PLEC: variants seen among roughly 807,000 people sequenced by gnomAD.
PLEC encodes the protein plectin.
PLEC carries 216 observed loss-of-function variants against 392.8 expected under a neutral mutation model. That is an observed-to-expected ratio of 0.55 (90% CI 0.49 to 0.62). PLEC has a LOEUF of 0.62. Ranked by LOEUF, PLEC falls within the 20% of genes least tolerant of loss-of-function variation. PLEC has a pLI of 0.00. For synonymous variants in PLEC, 3,621 were observed against 2,980.6 expected (o/e 1.21, Z -7.00); for missense variants, 6,863 against 6,563.4 (o/e 1.05, Z -1.58).
At chr8:143,945,715 C>G (rs940275665) in intron 1 of PLEC, among the ~76,000 whole-genome samples, 3 of 152,190 alleles carry the variant, frequency 2.0e-5, no homozygotes, top group African/African-American at 7.2e-5. Flanking sequence ...GTTACCTCAG[C>G]CCACAGCAAG....
chr8:143,935,321 A>G lies in PLEC; in HGVS notation c.603-8T>C. 6.3e-7 allele frequency: 1 copy of G among 1,594,982 alleles called. No homozygotes were observed. The highest frequency in any genetic ancestry group is 8.5e-7 in the Non-Finnish European group (1 of 1,175,010). Reference sequence around the variant, plus strand: ...ATGTCGATGAGCAGGGGCCTGGGACAAGCAGGTGGCTGGTCAGGTGGGTGG... The same window carrying G: ...ATGTCGATGAGCAGGGGCCTGGGACGAGCAGGTGGCTGGTCAGGTGGGTGG... On this transcript the variant is annotated splice_polypyrimidine_tract_variant and splice_region_variant and intron_variant, in intron 6 of 31. Transcript: ENST00000345136.
chr8:143,971,880 C>T (rs1833447743), intron 1 of PLEC, among the ~76,000 whole-genome samples: 1 of 152,214 alleles, frequency 6.6e-6, no homozygotes, highest in Admixed American at 6.5e-5. Flanking sequence ...CAATCCTGGC[C>T]TCCAGAGGAG....
In PLEC at chr8:143,920,413, G is replaced by T. The variant is rs77006429; in HGVS notation, c.9408C>A (p.Ala3136=). ...PREQGLRLLD[A]QLSTGGIVDP... ...CCACGATGCCGCCCGTGGACAGCTG[G>T]GCGTCCAACAGGCGCAGGCCCTGCT... The change falls in exon 32 of 32, where the codon GCC becomes GCA. Residue 3136 remains alanine, a synonymous_variant. Coordinates refer to ENST00000345136, the MANE Select transcript of PLEC (RefSeq NM_201384.3). 1 of 1,594,438 alleles carries T rather than the reference G, an allele frequency of 6.3e-7. No individual in the cohort carries two copies. The highest frequency in any genetic ancestry group is 1.1e-5 in the South Asian group (1 of 90,236).
At chr8:143,963,499 A>C (rs1554741391) in intron 1 of PLEC, among the ~76,000 whole-genome samples, 1 of 152,192 alleles carries the variant, frequency 6.6e-6, no homozygotes. Context: ...GGGAATGGTG[A>C]TGTCTAGTCT....
upstream of PLEC, among the ~76,000 whole-genome samples, chr8:143,942,954 G>A (rs981941034): frequency 6.6e-6 from 1 of 152,180 alleles, no homozygotes; most frequent in Non-Finnish European, 1.5e-5. Flanking sequence ...CGTGGCCGAA[G>A]GGGGCAATTG....
Position 143,926,964 on chromosome 8 carries a change from G to A in PLEC, c.3945+13C>T, listed in dbSNP as rs782700651. 3.7e-5 allele frequency: 59 copies of A among 1,610,640 alleles called. No homozygotes were observed. In the Middle Eastern group the frequency reaches 9.9e-4, roughly 27 times the overall value. On this transcript the variant is annotated intron_variant, in intron 29 of 31. Coordinates refer to ENST00000345136, the MANE Select transcript of PLEC (RefSeq NM_201384.3). ...GCCAGCCCCTCACCCAGTTAGGTTC[G>A]GCCCCACCCTACCTCCTGGATGACA...
intron 1 of PLEC, among the ~76,000 whole-genome samples, chr8:143,966,901 A>C (rs1554742439): frequency 6.6e-6 from 1 of 152,200 alleles, no homozygotes; most frequent in Non-Finnish European, 1.5e-5. Context: ...CTCAGCCCCA[A>C]GCAAATTCCA....
chr8:143,932,158 T>C lies in PLEC; in HGVS notation c.2054A>G (p.Glu685Gly). The C allele has an allele frequency of 1.2e-6, 2 of 1,610,966 alleles. No homozygotes were observed. The highest frequency in any genetic ancestry group is 1.7e-6 in the Non-Finnish European group (2 of 1,179,662). The change falls in exon 17 of 32, where the codon GAG becomes GGG. Residue 685 changes from glutamate to glycine, a missense_variant. Physicochemically the swap from Glu to Gly is moderately conservative, Grantham distance 98. Coordinates refer to ENST00000345136, the MANE Select transcript of PLEC (RefSeq NM_201384.3). Reference protein sequence around the residue: ...LQNAGDRLLREDHPARPTVES... With the variant: ...LQNAGDRLLRGDHPARPTVES... Reference sequence around the variant, plus strand: ...CACCGTGGGCCGGGCCGGGTGGTCCTCCCGCAGCAGCCGGTCCCCAGCATT... The same window carrying C: ...CACCGTGGGCCGGGCCGGGTGGTCCCCCCGCAGCAGCCGGTCCCCAGCATT...
chr8:143,929,850 T>C, intron 22 of PLEC, 21 bp from the exon 23 acceptor site: 1 of 1,599,978 alleles, frequency 6.3e-7, no homozygotes, highest in Non-Finnish European at 8.5e-7. Flanking sequence ...CACGTGGGGC[T>C]GAGTGCCGGG....
rs576688705 is a variant in PLEC at position 143,923,689 on chromosome 8, G to A, written c.6240C>T (p.Arg2080=). The A allele has an allele frequency of 1.3e-4, 194 of 1,545,880 alleles. No homozygotes were observed. Among genetic ancestry groups the A allele is most frequent in the South Asian group, 1.1e-3 (93 of 85,542 alleles). Residue 2080 remains arginine, a synonymous_variant, in exon 31 of 32, where the codon CGC becomes CGT. Coordinates refer to ENST00000345136, the MANE Select transcript of PLEC (RefSeq NM_201384.3). The part of the protein sequence containing the change: ...QQEQSVLDQL[R]GEAEAARRAA... Reference sequence around the variant, plus strand: ...CCCGCCGGGCCGCCTCCGCCTCGCCGCGCAGCTGGTCCAGCACGCTCTGCT... The same window carrying A: ...CCCGCCGGGCCGCCTCCGCCTCGCCACGCAGCTGGTCCAGCACGCTCTGCT...
rs782070192 is a variant in PLEC, at chr8:143,930,508, T to C, written c.2333A>G (p.Lys778Arg). ...QDEKEQLNEY[K>R]GHLSGLAKRA... ...CTTGGCCAGGCCTGAGAGGTGGCCC[T>C]TGTACTCGTTCAGCTGTTCCTTCTC... The change falls in exon 20 of 32, where the codon AAG becomes AGG. Residue 778 changes from lysine to arginine, a missense_variant. Coordinates refer to ENST00000345136, the MANE Select transcript of PLEC (RefSeq NM_201384.3). 1.9e-6 allele frequency: 3 copies of C among 1,596,478 alleles called. No homozygotes were observed. The highest frequency in any genetic ancestry group is 2.7e-5 in the African/African-American group (2 of 74,498).
At position 143,925,064 on chromosome 8, in the gene PLEC, C is replaced by T. The variant is rs782367469; in HGVS notation, c.4865G>A (p.Arg1622Gln). The change falls in exon 31 of 32, where the codon CGG becomes CAG. Residue 1622 changes from arginine to glutamine, a missense_variant. Coordinates refer to ENST00000345136, the MANE Select transcript of PLEC (RefSeq NM_201384.3). The part of the protein sequence containing the change: ...RRAQQQAEAE[R>Q]AREEAERELE... ...CTCCCGCTCTGCCTCCTCGCGCGCC[C>T]GCTCGGCCTCGGCCTGCTGCTGTGC... The T allele has an allele frequency of 3.4e-5, 52 of 1,539,714 alleles. No homozygotes were observed. Among genetic ancestry groups the T allele is most frequent in the South Asian group, 3.3e-4 (28 of 84,744 alleles).
chr8:143,917,581 C>T lies in PLEC; in HGVS notation c.12240G>A (p.Leu4080=). 6.2e-7 allele frequency: 1 copy of T among 1,613,914 alleles called. No individual in the cohort carries two copies. The highest frequency in any genetic ancestry group is 8.5e-7 in the Non-Finnish European group (1 of 1,180,028). ...GLFDEEMNEI[L]TDPSDDTKGF... is the part of the protein sequence containing the mutation. ...CCTTGGTGTCGTCCGAGGGGTCGGT[C>T]AGGATCTCGTTCATCTCCTCATCGA... Residue 4080 remains leucine (L), a synonymous_variant, in exon 32 of 32, where the codon CTG becomes CTA. Coordinates refer to ENST00000345136, the MANE Select transcript of PLEC (RefSeq NM_201384.3).
At position 143,933,072 on chromosome 8, in the gene PLEC, G is replaced by A. The variant is rs565993927; in HGVS notation, c.1458C>T (p.Thr486=). 2.4e-5 allele frequency: 38 copies of A among 1,589,890 alleles called. No individual in the cohort carries two copies. Among genetic ancestry groups the A allele is most frequent in the Non-Finnish European group, 3.1e-5 (36 of 1,170,124 alleles). The change falls in exon 14 of 32, where the codon ACC becomes ACT. Residue 486 remains threonine, a synonymous_variant. Transcript: ENST00000345136. ...RLHERLVAIR[T]EYNLRLKAGV... ...CTGCCTTCAGCCGTAGGTTGTACTC[G>A]GTGCGGATGGCTACCAGGCGCTCGT...
At chr8:143,950,292 C>G (rs3902411) in exon 1 of PLEC, 1 of 1,570,762 alleles carries the variant, frequency 6.4e-7, no homozygotes, top group Non-Finnish European at 8.6e-7. Flanking sequence ...CGACGGTAGA[C>G]CCGCTGCTCC....
At chr8:143,949,205 C>T (rs1277614840) in intron 1 of PLEC, among the ~76,000 whole-genome samples, 3 of 152,260 alleles carry the variant, frequency 2.0e-5, no homozygotes, top group African/African-American at 7.2e-5. Context: ...CCCCCACACC[C>T]TGGCAAATCC....
Position 143,923,675 on chromosome 8 carries a change from G to A in PLEC, c.6254C>T (p.Ala2085Val), listed in dbSNP as rs782165311. Residue 2085 changes from alanine to valine, a missense_variant, in exon 31 of 32, where the codon GCG becomes GTG. Ala to Val is a moderately conservative substitution (Grantham distance 64, BLOSUM62 0). Transcript: ENST00000345136. Reference protein sequence around the residue: ...VLDQLRGEAEAARRAAEEAEE... With the variant: ...VLDQLRGEAEVARRAAEEAEE... ...CGCCTCCTCAGCCGCCCGCCGGGCC[G>A]CCTCCGCCTCGCCGCGCAGCTGGTC... 14 of 1,552,684 alleles carry A rather than the reference G, an allele frequency of 9.0e-6. No homozygotes were observed. Among genetic ancestry groups the A allele is most frequent in the South Asian group, 2.3e-5 (2 of 86,260 alleles).
At chr8:143,961,359 G>T (rs528853198) in intron 1 of PLEC, among the ~76,000 whole-genome samples, 1 of 152,232 alleles carries the variant, frequency 6.6e-6, no homozygotes, top group African/African-American at 2.4e-5. Flanking sequence ...CTGCGTAGCG[G>T]GGATTACAGG....
Position 143,925,271 on chromosome 8 carries a change from CGCAGGCGCCGCTCCGCCTCCTCCGCCT to C in PLEC, c.4631_4657del (p.Gln1544_Leu1552del). 3 of 1,581,724 alleles carry C rather than the reference CGCAGGCGCCGCTCCGCCTCCTCCGCCT, an allele frequency of 1.9e-6. No individual in the cohort carries two copies. The highest frequency in any genetic ancestry group is 2.6e-6 in the Non-Finnish European group (3 of 1,172,290). On this transcript the variant is annotated inframe_deletion, in exon 31 of 32. Transcript: ENST00000345136. ...CCGCGCTCGCTCCACCTCGGCCTGC[CGCAGGCGCCGCTCCGCCTCCTCCGCCT>C]GCAGCCGCAGCTCCTCCAGGGCCTG...
Sources: allele counts gnomAD v4.1 joint callset (sites outside exome capture counted in the v4.1 genomes callset), GRCh38; gene constraint gnomAD v4.1.1; transcripts MANE v1.5; gene names NCBI Gene and HGNC (gene_info 2026-07-23, HGNC 2026-07-21).